NT5E: variants seen among roughly 807,000 people sequenced by gnomAD.
NT5E encodes 5'-nucleotidase ecto.
NT5E carries 53 observed loss-of-function variants against 55.1 expected under a neutral mutation model. The ratio of observed to expected loss-of-function variants is 0.96; its 90% CI spans 0.77 to 1.21. The LOEUF (loss-of-function observed/expected upper bound fraction) is 1.21, where lower values mean the gene tolerates loss of function less well. NT5E is among the 50% of genes most tolerant of loss of function. NT5E has a pLI of 0.00. For missense variants in NT5E, 683 were observed against 724.3 expected (o/e 0.94, Z 0.65); for synonymous variants, 270 against 278.4 (o/e 0.97, Z 0.30).
At chr6:85,462,390 T>C (rs1309262170) in intron 1 of NT5E, among the ~76,000 whole-genome samples, 1 of 152,176 alleles carries the variant, frequency 6.6e-6, no homozygotes, top group African/African-American at 2.4e-5. Context: ...AGCATCATTT[T>C]TTTTTCTGCC....
chr6:85,462,441 C>A (rs1769115832), intron 1 of NT5E, among the ~76,000 whole-genome samples: 2 of 152,172 alleles, frequency 1.3e-5, no homozygotes, highest in Admixed American at 1.3e-4. Flanking sequence ...ACCAAATCAC[C>A]TGGATGCCAT....
chr6:85,467,206 A>G lies in NT5E; in HGVS notation c.486A>G (p.Lys162=). Residue 162 remains lysine, a synonymous_variant, in exon 2 of 9, where the codon AAA becomes AAG. Coordinates refer to ENST00000257770, the MANE Select transcript of NT5E (RefSeq NM_002526.4). ...TATCAGGACTTTATTTGCCATATAA[A>G]GTTCTTCCTGTTGGTGATGAAGTTG... is the stretch of plus-strand genomic sequence containing the variant. ...SQISGLYLPY[K]VLPVGDEVVG... The G allele has an allele frequency of 6.2e-7, 1 of 1,614,182 alleles. No individual in the cohort carries two copies. Among genetic ancestry groups the G allele is most frequent in the Non-Finnish European group, 8.5e-7 (1 of 1,180,026 alleles).
chr6:85,493,951 TTTTC>T lies in NT5E; in HGVS notation c.1676_1679del (p.Ser559Ter). Reference sequence around the variant, plus strand: ...CACAGGAAGTCACTGCCATGGAAGCTTTTCTTTAATATTTCTTTCACTTTGGGCA... The same window carrying T: ...CACAGGAAGTCACTGCCATGGAAGCTTTTAATATTTCTTTCACTTTGGGCA... On this transcript the variant is annotated frameshift_variant, in exon 9 of 9. Transcript: ENST00000257770. LOFTEE classifies it high-confidence loss of function. The T allele has an allele frequency of 6.2e-7, 1 of 1,614,080 alleles. No homozygotes were observed. The highest frequency in any genetic ancestry group is 8.5e-7 in the Non-Finnish European group (1 of 1,179,978).
At chr6:85,464,481 A>G (rs2127755959) in intron 1 of NT5E, among the ~76,000 whole-genome samples, 1 of 151,950 alleles carries the variant, frequency 6.6e-6, no homozygotes, top group Admixed American at 6.6e-5. Context: ...CCTGGGAGGG[A>G]GCTACCCCTG....
At chr6:85,493,062 A>G (rs969712496) in intron 8 of NT5E, among the ~76,000 whole-genome samples, 1 of 152,194 alleles carries the variant, frequency 6.6e-6, no homozygotes, top group Non-Finnish European at 1.5e-5. Flanking sequence ...TCCACCACTC[A>G]AGCCTAGACT....
chr6:85,464,874 G>C (rs75671345), intron 1 of NT5E, among the ~76,000 whole-genome samples: 1 of 152,224 alleles, frequency 6.6e-6, no homozygotes, highest in Non-Finnish European at 1.5e-5. Context: ...ACCGCACCAG[G>C]GCTTCTGGCT....
Position 85,450,459 on chromosome 6 carries a change from C to T in NT5E, c.320C>T (p.Ala107Val), listed in dbSNP as rs1768832621. The T allele has an allele frequency of 6.3e-7, 1 of 1,596,720 alleles. No homozygotes were observed. The highest frequency in any genetic ancestry group is 8.5e-7 in the Non-Finnish European group (1 of 1,173,040). Reference sequence around the variant, plus strand: ...GCCGAGGTGGCGCACTTCATGAACGCCCTGCGCTACGATGCCATGGTAAGA... The same window carrying T: ...GCCGAGGTGGCGCACTTCATGAACGTCCTGCGCTACGATGCCATGGTAAGA... ...KGAEVAHFMNALRYDAMALGN... is the reference protein window; with the variant it reads ...KGAEVAHFMNVLRYDAMALGN... The change falls in exon 1 of 9, where the codon GCC becomes GTC. Residue 107 changes from alanine to valine, a missense_variant. Transcript: ENST00000257770. The surrounding 1 kb of genome is among the most constrained non-coding windows in gnomAD (Gnocchi z 4.0).
rs562073285 is a variant in NT5E at position 85,495,000 on chromosome 6, T to G, written c.*996T>G. 1 of 152,346 alleles carries G rather than the reference T, an allele frequency of 6.6e-6. No homozygotes were observed. Among genetic ancestry groups the G allele is most frequent in the East Asian group, 1.9e-4 (1 of 5,192 alleles). 9.4% of individuals were successfully genotyped at this position (152,346 alleles called of 1,614,324 possible). ...TCTTTCTTCTAACATGAAGGTATCA[T>G]GAGAAGAGAACCTTCTAACATAAGC... is the stretch of plus-strand genomic sequence containing the variant. On this transcript the variant is annotated 3_prime_UTR_variant, in exon 9 of 9. Coordinates refer to ENST00000257770, the MANE Select transcript of NT5E (RefSeq NM_002526.4).
At chr6:85,452,073 G>T (rs1582365040) in intron 1 of NT5E, among the ~76,000 whole-genome samples, 1 of 152,302 alleles carries the variant, frequency 6.6e-6, no homozygotes, top group East Asian at 1.9e-4. Flanking sequence ...GAACTCTGTG[G>T]TCTCTTAAGC....
At position 85,495,463 on chromosome 6, in the gene NT5E, T is replaced by G. The variant is rs1769872625; in HGVS notation, c.*1459T>G. On this transcript the variant is annotated 3_prime_UTR_variant, in exon 9 of 9. Transcript: ENST00000257770. ...TTTCTTAGTGTTTACAAATATTAAGTACTCTTGATACAAAATATACTTTTA... is the reference window on the plus strand; with the variant it reads ...TTTCTTAGTGTTTACAAATATTAAGGACTCTTGATACAAAATATACTTTTA... 6.6e-6 allele frequency: 1 copy of G among 152,250 alleles called. No individual in the cohort carries two copies. Among genetic ancestry groups the G allele is most frequent in the Non-Finnish European group, 1.5e-5 (1 of 68,044 alleles). The allele number at this position is 152,250 out of a possible 1,614,324, so 9.4% of individuals were successfully genotyped here.
At chr6:85,474,572 G>T (rs746379993) in intron 3 of NT5E, among the ~76,000 whole-genome samples, 2 of 152,162 alleles carry the variant, frequency 1.3e-5, no homozygotes, top group Non-Finnish European at 2.9e-5. Context: ...TGCTTACCAA[G>T]ATTAAACTTG....
chr6:85,480,777 C>CAAAA (rs1287881433), intron 3 of NT5E, among the ~76,000 whole-genome samples: 2 of 152,060 alleles, frequency 1.3e-5, no homozygotes, highest in Admixed American at 6.6e-5. Flanking sequence ...CTTAAACAAA[C>CAAAA]AAACAAACAA....
chr6:85,490,713 T>C, intron 7 of NT5E, 56 bp downstream of exon 7: 3 of 1,604,280 alleles, frequency 1.9e-6, no homozygotes, highest in Non-Finnish European at 2.6e-6. Flanking sequence ...CATTTCCTGC[T>C]GGTTGGCTCA....
At chr6:85,453,388 T>C (rs1768929244) in intron 1 of NT5E, among the ~76,000 whole-genome samples, 1 of 151,978 alleles carries the variant, frequency 6.6e-6, no homozygotes, top group South Asian at 2.1e-4. Context: ...AGGAGGGGAA[T>C]TGTGAGGAAG....
intron 3 of NT5E, among the ~76,000 whole-genome samples, chr6:85,483,923 C>G (rs1769597840): frequency 6.6e-6 from 1 of 152,134 alleles, no homozygotes; most frequent in South Asian, 2.1e-4. Flanking sequence ...GCTCCAGTAC[C>G]TCACAGCCTG....
intron 5 of NT5E, among the ~76,000 whole-genome samples, chr6:85,488,529 G>A (rs1346053287): frequency 6.6e-6 from 1 of 152,106 alleles, no homozygotes; most frequent in Non-Finnish European, 1.5e-5. Flanking sequence ...CTGTTAAAGA[G>A]GCTAGGACAA....
At chr6:85,487,313 T>G (rs987978602) in intron 4 of NT5E, 22 bp from the exon 5 acceptor site, 1 of 1,604,840 alleles carries the variant, frequency 6.2e-7, no homozygotes, top group Non-Finnish European at 8.5e-7. Context: ...AATTGTAGGG[T>G]ACCTTCTTTT....
intron 1 of NT5E, among the ~76,000 whole-genome samples, 153 bp from the exon 2 acceptor site, chr6:85,466,907 G>A (rs7753022): frequency 0.18 from 26,665 of 152,154 alleles, 2,860 homozygotes; most frequent in African/African-American, 0.3. Context: ...CTCAAGCAAT[G>A]TGATGATCTG....
Position 85,450,325 on chromosome 6 carries a change from T to A in NT5E, c.186T>A (p.Ala62=). ...CCAGCCGCTGCATGGGTGGCGTGGC[T>A]CGGCTCTTCACCAAGGTTCAGCAGA... is the stretch of plus-strand genomic sequence containing the variant. ...VNASRCMGGV[A]RLFTKVQQIR... Residue 62 remains alanine (A), a synonymous_variant, in exon 1 of 9, where the codon GCT becomes GCA. Coordinates refer to ENST00000257770, the MANE Select transcript of NT5E (RefSeq NM_002526.4). This position sits in a 1 kb window ranked among gnomAD's most constrained non-coding sequence, Gnocchi z 4.0. 1 of 1,600,484 alleles carries A rather than the reference T, an allele frequency of 6.2e-7. No homozygotes were observed. The highest frequency in any genetic ancestry group is 8.5e-7 in the Non-Finnish European group (1 of 1,174,806).
Sources: allele counts gnomAD v4.1 joint callset (sites outside exome capture counted in the v4.1 genomes callset), GRCh38; gene constraint gnomAD v4.1.1; non-coding constraint Gnocchi (gnomAD v3.1); transcripts MANE v1.5; gene names NCBI Gene and HGNC (gene_info 2026-07-23, HGNC 2026-07-21).